The following CMC1 variants were observed in gnomAD, a reference collection of about 807,000 sequenced individuals.
The protein encoded by CMC1 is COX assembly mitochondrial protein homolog.
A neutral mutation model predicts 14.1 loss-of-function variants in CMC1; 14 were observed. The observed-to-expected ratio is 0.99, with a 90% CI of 0.66 to 1.55. CMC1 has a LOEUF of 1.55. Ranked by LOEUF, CMC1 falls within the 40% of genes most tolerant of loss-of-function variation. The pLI is 0.00. For missense variants in CMC1, 127 were observed against 123.8 expected (o/e 1.03, Z -0.12); for synonymous variants, 50 against 38.4 (o/e 1.30, Z -1.12).
At chr3:28,271,326 C>A (rs1162361938) in intron 2 of CMC1, among the ~76,000 whole-genome samples, 1 of 152,148 alleles carries the variant, frequency 6.6e-6, no homozygotes, top group East Asian at 1.9e-4. Flanking sequence ...TCTAGAACTT[C>A]TGACCTCAAG....
intron 1 of CMC1, among the ~76,000 whole-genome samples, chr3:28,252,406 T>C (rs1002164667): frequency 2.6e-5 from 4 of 152,232 alleles, no homozygotes; most frequent in Admixed American, 6.5e-5. Flanking sequence ...TTTGAGCTTA[T>C]ACAAAATTAG....
chr3:28,301,590 C>T (rs1374963321), intron 2 of CMC1, among the ~76,000 whole-genome samples: 4 of 150,448 alleles, frequency 2.7e-5, no homozygotes, highest in East Asian at 3.9e-4. Context: ...AATTCTACTG[C>T]GATCGAATTT....
intron 1 of CMC1, among the ~76,000 whole-genome samples, chr3:28,251,978 T>G (rs1385306385): frequency 1.3e-5 from 2 of 152,260 alleles, no homozygotes; most frequent in Non-Finnish European, 2.9e-5. Flanking sequence ...AAAGACAGTC[T>G]TGAAGTTTTA....
At chr3:28,265,453 G>T (rs867853185) in intron 2 of CMC1, among the ~76,000 whole-genome samples, 2 of 152,118 alleles carry the variant, frequency 1.3e-5, no homozygotes, top group Middle Eastern at 7.0e-3. Context: ...TTTATTTACT[G>T]TTTATAGCTT....
At chr3:28,310,440 T>C (rs989658189) in intron 2 of CMC1, among the ~76,000 whole-genome samples, 6 of 152,256 alleles carry the variant, frequency 3.9e-5, no homozygotes, top group Non-Finnish European at 5.9e-5. Context: ...AATATTGTAA[T>C]TTATTGAATC....
chr3:28,245,519 C>T (rs1698778059), intron 1 of CMC1, among the ~76,000 whole-genome samples: 1 of 152,130 alleles, frequency 6.6e-6, no homozygotes, highest in Admixed American at 6.5e-5. Context: ...TCTACTTATG[C>T]AGAATGGGGC....
intron 3 of CMC1, 177 bp from the exon 4 acceptor site, chr3:28,319,331 AT>A (rs1400049214): frequency 1.5e-5 from 10 of 663,214 alleles, no homozygotes; most frequent in South Asian, 1.5e-4. Context: ...AAAATGAATG[AT>A]TTGGTCTTTA....
At chr3:28,253,587 C>T (rs962637083) in intron 1 of CMC1, 2 of 404,454 alleles carry the variant, frequency 4.9e-6, no homozygotes, top group African/African-American at 4.2e-5. Flanking sequence ...TCTCAAAAAA[C>T]AAAAACCAAA....
intron 2 of CMC1, among the ~76,000 whole-genome samples, chr3:28,302,700 T>C (rs1167793741): frequency 6.6e-6 from 1 of 152,182 alleles, no homozygotes; most frequent in Non-Finnish European, 1.5e-5. Flanking sequence ...AGAGTTGAGG[T>C]ATCTGATGCT....
chr3:28,263,152 A>T (rs527789501), intron 1 of CMC1, 139 bp from the exon 2 acceptor site: 1 of 630,426 alleles, frequency 1.6e-6, no homozygotes, highest in Admixed American at 3.6e-5. Context: ...TAATGACTAA[A>T]ATAATCACAA....
At chr3:28,287,684 A>G (rs750239136) in intron 2 of CMC1, among the ~76,000 whole-genome samples, 8 of 151,804 alleles carry the variant, frequency 5.3e-5, no homozygotes, top group South Asian at 4.1e-4. Context: ...ACTCCTTTTA[A>G]TATATATTGG....
intron 3 of CMC1, 174 bp from the exon 4 acceptor site, chr3:28,319,335 G>C (rs1703100276): frequency 1.5e-6 from 1 of 669,238 alleles, no homozygotes; most frequent in Non-Finnish European, 2.8e-6. Context: ...TGAATGATTT[G>C]GTCTTTAGTT....
In CMC1 at chr3:28,273,491, G is replaced by A. The variant is rs189036747; in HGVS notation, c.109+10111G>A. Reference sequence around the variant, plus strand: ...TGTTTGTTATGATTTCAGTTATTTCGCATTTGCTAAGGAGTGTTTTACTTC... The same window carrying A: ...TGTTTGTTATGATTTCAGTTATTTCACATTTGCTAAGGAGTGTTTTACTTC... On this transcript the variant is annotated intron_variant, in intron 2 of 3. Coordinates refer to ENST00000466830, the MANE Select transcript of CMC1 (RefSeq NM_182523.2). Among the ~76,000 whole-genome samples, 26 of 152,166 alleles carry A rather than the reference G, an allele frequency of 1.7e-4. No homozygotes were observed. The East Asian group carries it at 3.9e-3, about 23-fold the overall frequency.
At chr3:28,306,895 C>A (rs1343390490) in intron 2 of CMC1, among the ~76,000 whole-genome samples, 4 of 152,178 alleles carry the variant, frequency 2.6e-5, no homozygotes, top group Non-Finnish European at 4.4e-5. Context: ...ATCCGCCCAC[C>A]TCGGCCTCCC....
chr3:28,272,439 A>G (rs1700342946), intron 2 of CMC1, among the ~76,000 whole-genome samples: 1 of 152,074 alleles, frequency 6.6e-6, no homozygotes, highest in Admixed American at 6.5e-5. Flanking sequence ...AGGGATGTTG[A>G]ATTTTATTGA....
chr3:28,284,450 A>G lies in CMC1; in HGVS notation c.109+21070A>G, dbSNP rs557862539. The stretch of plus-strand genomic sequence containing the variant: ...CAAACGTTCATTGTACTTCAGAATT[A>G]TCTAGGAATTAAAACAAAACAAAAT... On this transcript the variant is annotated intron_variant, in intron 2 of 3. Transcript: ENST00000466830. Among the ~76,000 whole-genome samples the G allele has an allele frequency of 5.3e-5, 8 of 152,276 alleles. No homozygotes were observed. The East Asian group carries it at 1.4e-3, about 26-fold the overall frequency.
chr3:28,298,010 G>A (rs952019726), intron 2 of CMC1, among the ~76,000 whole-genome samples: 13 of 151,918 alleles, frequency 8.6e-5, no homozygotes, highest in Non-Finnish European at 1.5e-4. Context: ...ATGTTGGTCT[G>A]GTTCAAGAAA....
intron 1 of CMC1, among the ~76,000 whole-genome samples, chr3:28,260,493 G>C (rs968741864): frequency 6.6e-6 from 1 of 150,782 alleles, no homozygotes; most frequent in African/African-American, 2.4e-5. Flanking sequence ...TGTGACCTTA[G>C]TCTGGCTAGT....
Position 28,316,421 on chromosome 3 carries a change from T to G in CMC1, c.198T>G (p.Ala66=). 6.4e-7 allele frequency: 1 copy of G among 1,573,532 alleles called. No homozygotes were observed. Residue 66 remains alanine (A), a splice_region_variant and synonymous_variant, in exon 3 of 4, where the codon GCT becomes GCG. Transcript: ENST00000466830. ...ENSALKECLT[A]YYNDPAFYEE... ...CTGCATTGAAAGAATGTCTAACTGC[T>G]TAGTAAGTAGTTGTCTCAGCGTTTG... is the stretch of plus-strand genomic sequence containing the variant.
Sources: gnomAD v4.1 joint callset for allele counts (sites outside exome capture counted in the v4.1 genomes callset) on GRCh38, gnomAD v4.1.1 for gene constraint, MANE v1.5 for transcripts, NCBI Gene and HGNC (gene_info 2026-07-23, HGNC 2026-07-21) for gene names.